The following SLC19A3 variants were observed in gnomAD, a reference collection of about 807,000 sequenced individuals.
SLC19A3 encodes the protein thiamine transporter 2.
Under a neutral mutation model 40.2 loss-of-function variants are expected in SLC19A3, and 31 were observed. The ratio of observed to expected loss-of-function variants is 0.77; its 90% CI spans 0.58 to 1.04. The LOEUF is 1.04. Among genes scored for constraint, SLC19A3 ranks in the 50% least tolerant of loss-of-function variants. The pLI is 0.00. For missense variants in SLC19A3, 592 were observed against 596.7 expected (o/e 0.99, Z 0.08); for synonymous variants, 212 against 227.5 (o/e 0.93, Z 0.61).
chr2:227,698,853 C>T lies in SLC19A3; in HGVS notation c.862G>A (p.Ala288Thr), dbSNP rs542566978. 9 of 1,614,008 alleles carry T rather than the reference C, an allele frequency of 5.6e-6. No individual in the cohort carries two copies. The highest frequency in any genetic ancestry group is 1.6e-4 in the Middle Eastern group (1 of 6,084). Residue 288 changes from alanine (A) to threonine (T), a missense_variant, in exon 3 of 6, where the codon GCC becomes ACC. Transcript: ENST00000644224. ...AAAACCTGGTTAAAACCTGCTGTGG[C>T]GAAAGCCCACCATAGAGACCAGTAG... ...LFYWSLWWAF[A>T]TAGFNQVLNY...
At chr2:227,690,776 A>C (rs533053871) in intron 4 of SLC19A3, among the ~76,000 whole-genome samples, 1 of 151,514 alleles carries the variant, frequency 6.6e-6, no homozygotes, top group Non-Finnish European at 1.5e-5. Flanking sequence ...TATATAAAGC[A>C]AGTATTAGAG....
At chr2:227,701,953 A>T in intron 2 of SLC19A3, 1 of 532,298 alleles carries the variant, frequency 1.9e-6, no homozygotes, top group Non-Finnish European at 3.4e-6. Flanking sequence ...CAAGTTAAAA[A>T]TTTGTTAACA....
At chr2:227,704,173 G>T (rs550955195) in intron 1 of SLC19A3, among the ~76,000 whole-genome samples, 1 of 152,066 alleles carries the variant, frequency 6.6e-6, no homozygotes, top group South Asian at 2.1e-4. Flanking sequence ...TGAAAAGAGA[G>T]AAGTGTCAGG....
intron 1 of SLC19A3, among the ~76,000 whole-genome samples, chr2:227,714,016 G>A (rs975262303): frequency 6.6e-6 from 1 of 152,274 alleles, no homozygotes; most frequent in Admixed American, 6.5e-5. Context: ...AAGGGCAGGA[G>A]GCAATTTTCT....
chr2:227,695,787 A>C, intron 4 of SLC19A3, 102 bp downstream of exon 4: 1 of 1,122,152 alleles, frequency 8.9e-7, no homozygotes, highest in Non-Finnish European at 1.3e-6. Flanking sequence ...AACATTTAAT[A>C]TTGCAATTGA....
chr2:227,691,138 CA>C (rs1314346511), intron 4 of SLC19A3, among the ~76,000 whole-genome samples: 1 of 152,054 alleles, frequency 6.6e-6, no homozygotes, highest in Non-Finnish European at 1.5e-5. Context: ...ACCATAGAAA[CA>C]CATGGAAATT....
intron 1 of SLC19A3, among the ~76,000 whole-genome samples, chr2:227,710,875 A>T (rs1313292666): frequency 6.6e-6 from 1 of 152,206 alleles, no homozygotes; most frequent in African/African-American, 2.4e-5. Context: ...CCCTAGACAG[A>T]GCAAACTCAA....
At chr2:227,715,662 C>T (rs1158997725) in intron 1 of SLC19A3, among the ~76,000 whole-genome samples, 3 of 152,114 alleles carry the variant, frequency 2.0e-5, no homozygotes. Context: ...ATGTTCAGAT[C>T]AATCTAGTCT....
chr2:227,709,121 T>C (rs1003889593), intron 1 of SLC19A3, among the ~76,000 whole-genome samples: 11 of 152,212 alleles, frequency 7.2e-5, no homozygotes, highest in Non-Finnish European at 1.5e-4. Flanking sequence ...AAAAGCCCTA[T>C]GTCCACAAAT....
chr2:227,687,644 C>T (rs750581730), intron 5 of SLC19A3, 71 bp from the exon 6 acceptor site: 38 of 1,529,630 alleles, frequency 2.5e-5, no homozygotes, highest in Non-Finnish European at 3.2e-5. Context: ...CATCCTAATA[C>T]TGTTGGTTTG....
intron 1 of SLC19A3, among the ~76,000 whole-genome samples, chr2:227,704,009 T>C (rs1280687453): frequency 1.3e-5 from 2 of 152,176 alleles, no homozygotes. Context: ...AGACATGCCC[T>C]ACTAAAGTAC....
chr2:227,696,188 A>G, intron 3 of SLC19A3, 107 bp from the exon 4 acceptor site: 1 of 1,051,636 alleles, frequency 9.5e-7, no homozygotes, highest in Non-Finnish European at 1.4e-6. Context: ...AAAGATAAAT[A>G]TATTGCTTTC....
In SLC19A3 at chr2:227,688,028, T is replaced by G; in HGVS notation, c.1314+138A>C. The G allele has an allele frequency of 6.4e-6, 6 of 934,372 alleles. No individual in the cohort carries two copies. The South Asian group carries it at 8.4e-5, about 13-fold the overall frequency. The allele number at this position is 934,372 out of a possible 1,614,324, so 57.9% of individuals were successfully genotyped here. A position where few individuals can be genotyped will look rare whatever the true frequency, so the allele number is the denominator to read the frequency against. ...ATTATTGCTCAAAACCTACTTGGTG[T>G]GTTATAATATGATAATGAAGGAATT... On this transcript the variant is annotated intron_variant, in intron 5 of 5. Transcript: ENST00000644224.
At position 227,687,567 on chromosome 2, in the gene SLC19A3, C is replaced by CT; in HGVS notation, c.1320dup (p.Val441SerfsTer37). On this transcript the variant is annotated frameshift_variant, in exon 6 of 6. Coordinates refer to ENST00000644224, the MANE Select transcript of SLC19A3 (RefSeq NM_025243.4). LOFTEE classifies it low-confidence loss of function (END_TRUNC). The stretch of plus-strand genomic sequence containing the variant: ...ATTACTGCAAAATAGCTCCCATAAA[C>CT]TAAAAACTGGAGAAAAACAAATAAT... The CT allele has an allele frequency of 6.2e-7, 1 of 1,613,788 alleles. No individual in the cohort carries two copies. Among genetic ancestry groups the CT allele is most frequent in the South Asian group, 1.1e-5 (1 of 91,076 alleles).
intron 5 of SLC19A3, 40 bp from the exon 6 acceptor site, chr2:227,687,613 C>A (rs1218097079): frequency 6.3e-7 from 1 of 1,594,772 alleles, no homozygotes; most frequent in Non-Finnish European, 8.6e-7. Context: ...TAAAATATGA[C>A]CATCTATGTC....
chr2:227,713,397 G>T (rs1574582148), intron 1 of SLC19A3, among the ~76,000 whole-genome samples: 5 of 72,722 alleles, frequency 6.9e-5, no homozygotes, highest in Admixed American at 2.2e-4. Flanking sequence ...GTGAGACCCT[G>T]TTGTAAAAAA....
chr2:227,717,980 T>TG lies in SLC19A3; in HGVS notation c.-41dup. ...GTGTCTGTTCACCAAATCGCTCACT[T>TG]GCCGCACGACCACGCACCCGCGGCT... On this transcript the variant is annotated 5_prime_UTR_variant, in exon 1 of 6. Coordinates refer to ENST00000644224, the MANE Select transcript of SLC19A3 (RefSeq NM_025243.4). 2 of 985,200 alleles carry TG rather than the reference T, an allele frequency of 2.0e-6. No homozygotes were observed. Among genetic ancestry groups the TG allele is most frequent in the South Asian group, 9.4e-5 (2 of 21,274 alleles). The allele number at this position is 985,200 out of a possible 1,614,324, so 61.0% of individuals were successfully genotyped here.
intron 1 of SLC19A3, among the ~76,000 whole-genome samples, chr2:227,710,498 C>A (rs994170993): frequency 2.0e-5 from 3 of 152,144 alleles, no homozygotes; most frequent in African/African-American, 7.2e-5. Context: ...GAGTTCGAGA[C>A]CAGCCTGGCC....
intron 2 of SLC19A3, among the ~76,000 whole-genome samples, chr2:227,699,941 G>A (rs897590456): frequency 5.3e-5 from 8 of 151,848 alleles, no homozygotes; most frequent in African/African-American, 1.5e-4. Flanking sequence ...GCAGTGGCCC[G>A]ATCTTCGCTG....
Sources: allele counts gnomAD v4.1 joint callset (sites outside exome capture counted in the v4.1 genomes callset), GRCh38; gene constraint gnomAD v4.1.1; transcripts MANE v1.5; gene names NCBI Gene and HGNC (gene_info 2026-07-23, HGNC 2026-07-21).